DIP2B: variants seen among roughly 807,000 people sequenced by gnomAD.
DIP2B encodes the protein disco-interacting protein 2 homolog B.
Under a neutral mutation model 198.0 loss-of-function variants are expected in DIP2B, and 76 were observed. The observed-to-expected ratio is 0.38, with a 90% CI of 0.32 to 0.46. The LOEUF is 0.46. DIP2B is among the 20% of genes least tolerant of loss of function. DIP2B has a pLI of 0.99. For synonymous variants in DIP2B, 701 were observed against 739.1 expected, an observed-to-expected ratio of 0.95 and a Z score of 0.84; for missense variants, 1,559 against 1,978.4, an observed-to-expected ratio of 0.79 and a Z score of 4.02.
chr12:50,728,705 G>A (rs1214692317), intron 30 of DIP2B, 27 bp downstream of exon 30: 2 of 1,612,030 alleles, frequency 1.2e-6, no homozygotes, highest in South Asian at 2.2e-5. Flanking sequence ...CAAGGAGACA[G>A]AATGTGTGGG....
At chr12:50,600,422 G>A (rs1403954024) in intron 1 of DIP2B, among the ~76,000 whole-genome samples, 1 of 152,164 alleles carries the variant, frequency 6.6e-6, no homozygotes, top group Non-Finnish European at 1.5e-5. Flanking sequence ...ATAATACTTT[G>A]CAAATGAGAA....
At chr12:50,663,007 G>A (rs1452888758) in intron 4 of DIP2B, among the ~76,000 whole-genome samples, 1 of 152,226 alleles carries the variant, frequency 6.6e-6, no homozygotes, top group African/African-American at 2.4e-5. Context: ...CACTCAGGAG[G>A]CTGAGGCAGG....
chr12:50,669,944 T>G (rs1938821166), intron 4 of DIP2B, among the ~76,000 whole-genome samples: 1 of 152,190 alleles, frequency 6.6e-6, no homozygotes, highest in Non-Finnish European at 1.5e-5. Context: ...TGTTTAATTT[T>G]TAAAAACAAT....
intron 1 of DIP2B, among the ~76,000 whole-genome samples, chr12:50,559,709 C>CCACACACACACACA (rs55678718): frequency 0.039 from 5,398 of 139,500 alleles, 144 homozygotes; most frequent in East Asian, 0.056. Context: ...GTGACAGAAA[C>CCACACACACACACA]CACACACACA....
At position 50,674,481 on chromosome 12, in the gene DIP2B, C is replaced by A. The variant is rs775296984; in HGVS notation, c.648C>A (p.Phe216Leu). Residue 216 changes from phenylalanine to leucine, a missense_variant, in exon 6 of 38, where the codon TTC becomes TTA. Phe to Leu is a conservative substitution (Grantham distance 22, BLOSUM62 0). Coordinates refer to ENST00000301180, the MANE Select transcript of DIP2B (RefSeq NM_173602.3). The stretch of plus-strand genomic sequence containing the variant: ...TTTGTTTTCTCCTCTCAGAGAATTT[C>A]TCTGCTCCTCCTGATGTCACTACAA... ...DVFANTRIEN[F>L]SAPPDVTTTT... The A allele has an allele frequency of 9.3e-6, 15 of 1,614,086 alleles. No homozygotes were observed. The highest frequency in any genetic ancestry group is 1.1e-5 in the South Asian group (1 of 91,092).
chr12:50,618,030 G>T (rs772031172), intron 1 of DIP2B, among the ~76,000 whole-genome samples: 5 of 152,140 alleles, frequency 3.3e-5, no homozygotes, highest in Non-Finnish European at 5.9e-5. Flanking sequence ...CAAGAAAAAG[G>T]CCAGAGATTC....
At chr12:50,645,274 G>A (rs1938330187) in intron 3 of DIP2B, among the ~76,000 whole-genome samples, 1 of 152,004 alleles carries the variant, frequency 6.6e-6, no homozygotes, top group Non-Finnish European at 1.5e-5. Context: ...TCTACTTCTA[G>A]GAATTCATTT....
rs575712216 is a variant in DIP2B at position 50,551,317 on chromosome 12, G to A, written c.100+46077G>A. Among the ~76,000 whole-genome samples the A allele has an allele frequency of 3.9e-5, 6 of 152,212 alleles. No individual in the cohort carries two copies. The South Asian group carries it at 1.2e-3, about 32-fold the overall frequency. The stretch of plus-strand genomic sequence containing the variant: ...CACGTGCTGGTAATCCCAGCTACTG[G>A]CGGGCTGAGGCAGGAGGATCGCTTG... On this transcript the variant is annotated intron_variant, in intron 1 of 37. Coordinates refer to ENST00000301180, the MANE Select transcript of DIP2B (RefSeq NM_173602.3).
intron 1 of DIP2B, among the ~76,000 whole-genome samples, chr12:50,558,238 T>G (rs1386653731): frequency 6.6e-6 from 1 of 152,208 alleles, no homozygotes; most frequent in Non-Finnish European, 1.5e-5. Flanking sequence ...GGAGTTTTAT[T>G]ATATGATCTA....
intron 8 of DIP2B, chr12:50,680,430 A>T (rs1251951644): frequency 2.6e-6 from 1 of 389,144 alleles, no homozygotes; most frequent in African/African-American, 2.1e-5. Context: ...GTAAACCAGG[A>T]TGAGCATCTG....
At chr12:50,544,030 C>G (rs899846168) in intron 1 of DIP2B, among the ~76,000 whole-genome samples, 2 of 150,394 alleles carry the variant, frequency 1.3e-5, no homozygotes, top group Non-Finnish European at 2.9e-5. Context: ...GACATCGAGA[C>G]CATCCTGGCC....
chr12:50,557,597 A>G (rs1199507771), intron 1 of DIP2B, among the ~76,000 whole-genome samples: 3 of 152,184 alleles, frequency 2.0e-5, no homozygotes, highest in Non-Finnish European at 4.4e-5. Flanking sequence ...AACTGTGGCT[A>G]ATGGGCTGCT....
At chr12:50,624,789 C>A (rs1290886672) in intron 1 of DIP2B, among the ~76,000 whole-genome samples, 1 of 152,218 alleles carries the variant, frequency 6.6e-6, no homozygotes, top group East Asian at 1.9e-4. Context: ...GGCTTTTAGT[C>A]TTGGTTCCTG....
chr12:50,600,583 C>G (rs192113184), intron 1 of DIP2B, among the ~76,000 whole-genome samples: 1 of 152,246 alleles, frequency 6.6e-6, no homozygotes, highest in Admixed American at 6.5e-5. Flanking sequence ...GGAAAACATT[C>G]ACTTATCTAC....
At chr12:50,704,457 G>A (rs1443406252) in intron 20 of DIP2B, among the ~76,000 whole-genome samples, 2 of 152,098 alleles carry the variant, frequency 1.3e-5, no homozygotes, top group African/African-American at 4.8e-5. Context: ...TCCCCGCTGA[G>A]ATCAGAAGAC....
chr12:50,668,911 A>T (rs1938801778), intron 4 of DIP2B, among the ~76,000 whole-genome samples: 1 of 152,174 alleles, frequency 6.6e-6, no homozygotes, highest in African/African-American at 2.4e-5. Flanking sequence ...AGGGGTACAG[A>T]TGTGATTACT....
rs1938630630 is a variant in DIP2B, at chr12:50,660,684, A to AT, written c.427+366dup. On this transcript the variant is annotated intron_variant, in intron 4 of 37. Transcript: ENST00000301180. ...CACCCAATATACTACTTGTAGTCAT[A>AT]TATCTAATTCATTTGTACTCCTAAA... Among the ~76,000 whole-genome samples, 5 of 152,250 alleles carry AT rather than the reference A, an allele frequency of 3.3e-5. No homozygotes were observed. The South Asian group carries it at 1.0e-3, about 32-fold the overall frequency.
At chr12:50,648,684 G>A (rs1305080109) in intron 3 of DIP2B, among the ~76,000 whole-genome samples, 11 of 129,666 alleles carry the variant, frequency 8.5e-5, no homozygotes, top group Non-Finnish European at 1.3e-4. Flanking sequence ...TTTTTTTTGA[G>A]TTGGGTTGTT....
chr12:50,629,208 C>T (rs1184908704), intron 2 of DIP2B, among the ~76,000 whole-genome samples: 3 of 152,166 alleles, frequency 2.0e-5, no homozygotes, highest in Non-Finnish European at 4.4e-5. Flanking sequence ...TTACCCTTCA[C>T]TTCCTGCTGC....
Sources: allele counts gnomAD v4.1 joint callset (sites outside exome capture counted in the v4.1 genomes callset), GRCh38; gene constraint gnomAD v4.1.1; transcripts MANE v1.5; gene names NCBI Gene and HGNC (gene_info 2026-07-23, HGNC 2026-07-21).